The following IL27 variants were observed in gnomAD, a reference collection of about 807,000 sequenced individuals.
IL27 encodes interleukin-27 subunit alpha.
A neutral mutation model predicts 27.0 loss-of-function variants in IL27; 11 were observed. The ratio of observed to expected loss-of-function variants is 0.41; its 90% CI spans 0.26 to 0.67. IL27 has a LOEUF of 0.67. Ranked by LOEUF, IL27 falls within the 30% of genes least tolerant of loss-of-function variation. The pLI is 0.34. For synonymous variants in IL27, 134 were observed against 140.6 expected (o/e 0.95, Z 0.33); for missense variants, 299 against 310.4 (o/e 0.96, Z 0.28).
intron 3 of IL27, 152 bp downstream of exon 3, chr16:28,503,543 A>G (rs1030284619): frequency 6.4e-6 from 4 of 627,492 alleles, no homozygotes; most frequent in East Asian, 2.9e-5. Flanking sequence ...GTAAGTCACC[A>G]TGCCTGTCTT....
At chr16:28,502,229 C>T (rs1325235553) in intron 3 of IL27, 95 bp from the exon 4 acceptor site, 7 of 1,188,216 alleles carry the variant, frequency 5.9e-6, no homozygotes, top group African/African-American at 1.5e-5. Context: ...TCCCATTCCA[C>T]GCTCCAGCCT....
At chr16:28,501,506 ACACT>A (rs1178167248) in intron 4 of IL27, among the ~76,000 whole-genome samples, 14 of 148,846 alleles carry the variant, frequency 9.4e-5, no homozygotes, top group East Asian at 6.1e-4. Flanking sequence ...ACTCACAGTC[ACACT>A]CACACACGGA....
intron 4 of IL27, among the ~76,000 whole-genome samples, chr16:28,501,636 C>T (rs1041170081): frequency 1.3e-5 from 2 of 150,774 alleles, no homozygotes; most frequent in African/African-American, 4.9e-5. Context: ...CACTCACTCT[C>T]ACACTCACGG....
chr16:28,501,967 G>C lies in IL27; in HGVS notation c.462+9C>G, dbSNP rs111923473. The C allele has an allele frequency of 1.3e-6, 2 of 1,599,200 alleles. No individual in the cohort carries two copies. Among genetic ancestry groups the C allele is most frequent in the Admixed American group, 3.3e-5 (2 of 59,854 alleles). On this transcript the variant is annotated intron_variant, in intron 4 of 4. Transcript: ENST00000356897. ...TGGTCTGGGGTGGTGGAGGGTGGCC[G>C]GGCTCTACCTGGAAGCGGAGGTGCC...
chr16:28,499,867 C>G lies in IL27; in HGVS notation c.516G>C (p.Glu172Asp). ...GCAGCCCCTTCCTCTCCTCCTCCTC[C>G]TCCTCCTCTTCCTCCTCCTCCTCCT... Reference protein sequence around the residue: ...LPEEEEEEEEEEEEERKGLLP... With the variant: ...LPEEEEEEEEDEEEERKGLLP... Residue 172 changes from glutamate (E) to aspartate (D), a missense_variant, in exon 5 of 5, where the codon GAG (glutamate) becomes GAC (aspartate). Transcript: ENST00000356897. 1 of 1,555,838 alleles carries G rather than the reference C, an allele frequency of 6.4e-7. No homozygotes were observed. The highest frequency in any genetic ancestry group is 8.7e-7 in the Non-Finnish European group (1 of 1,149,426).
intron 4 of IL27, 81 bp downstream of exon 4, chr16:28,501,895 T>C: frequency 6.7e-7 from 1 of 1,487,308 alleles, no homozygotes; most frequent in Non-Finnish European, 9.1e-7. Context: ...TCACACACAC[T>C]CAGAGCATGG....
At chr16:28,501,344 TTACACTCACAGTCCCA>T (rs1185595383) in intron 4 of IL27, among the ~76,000 whole-genome samples, 9 of 148,330 alleles carry the variant, frequency 6.1e-5, no homozygotes, top group Non-Finnish European at 1.2e-4. Context: ...TCCCACACTC[TTACACTCACAGTCCCA>T]TACACTCACA....
At chr16:28,505,678 G>A (rs1039343629) in intron 1 of IL27, among the ~76,000 whole-genome samples, 8 of 152,210 alleles carry the variant, frequency 5.3e-5, no homozygotes, top group East Asian at 1.9e-4. Context: ...GAGGGGCAGC[G>A]GATGGGCGCT....
At chr16:28,504,176 C>T (rs577012280) in intron 1 of IL27, 126 bp from the exon 2 acceptor site, 8 of 970,874 alleles carry the variant, frequency 8.2e-6, no homozygotes, top group African/African-American at 1.7e-5. Context: ...ATTCCTCTGC[C>T]TCCTCAAAAC....
chr16:28,500,979 C>G (rs533482560), intron 4 of IL27, among the ~76,000 whole-genome samples: 1 of 152,236 alleles, frequency 6.6e-6, no homozygotes, highest in South Asian at 2.1e-4. Context: ...GCGGGCAGAG[C>G]GCGAGGTCAG....
intron 4 of IL27, 141 bp from the exon 5 acceptor site, chr16:28,500,061 T>G: frequency 8.6e-7 from 1 of 1,166,552 alleles, no homozygotes; most frequent in Non-Finnish European, 1.2e-6. Flanking sequence ...CTGCTTGATC[T>G]TCCATGATGT....
At chr16:28,501,636 C>A (rs1041170081) in intron 4 of IL27, among the ~76,000 whole-genome samples, 1 of 150,774 alleles carries the variant, frequency 6.6e-6, no homozygotes, top group Non-Finnish European at 1.5e-5. Context: ...CACTCACTCT[C>A]ACACTCACGG....
At chr16:28,501,868 C>T in intron 4 of IL27, 108 bp downstream of exon 4, 1 of 1,321,514 alleles carries the variant, frequency 7.6e-7, no homozygotes, top group African/African-American at 1.4e-5. Context: ...CACTCAGTCA[C>T]ACTCACACTC....
Position 28,499,692 on chromosome 16 carries a change from C to T in IL27, c.691G>A (p.Val231Ile). ...AATGTTGGGAACCCCAAGGGCCAGACTGAGTGCCCAGCCTTGGACAGCAGC... is the reference window on the plus strand; with the variant it reads ...AATGTTGGGAACCCCAAGGGCCAGATTGAGTGCCCAGCCTTGGACAGCAGC... ...LLLLSKAGHS[V>I]WPLGFPTLSP... Residue 231 changes from valine (V) to isoleucine (I), a missense_variant, in exon 5 of 5, where the codon GTC becomes ATC. Physicochemically the swap from Val to Ile is conservative, Grantham distance 29 (BLOSUM62 3). Transcript: ENST00000356897. The T allele has an allele frequency of 1.9e-6, 3 of 1,613,456 alleles. No homozygotes were observed. Among genetic ancestry groups the T allele is most frequent in the Non-Finnish European group, 1.7e-6 (2 of 1,179,778 alleles).
At chr16:28,502,967 C>T (rs1023411881) in intron 3 of IL27, among the ~76,000 whole-genome samples, 8 of 152,094 alleles carry the variant, frequency 5.3e-5, no homozygotes, top group East Asian at 1.9e-4. Context: ...GGATTACAGG[C>T]GCACAGCACC....
At position 28,499,630 on chromosome 16, in the gene IL27, AGGGGGCTAAGAAGCCACCGATCAGGGCT is replaced by A; in HGVS notation, c.725_*20del. 1 of 1,565,396 alleles carries A rather than the reference AGGGGGCTAAGAAGCCACCGATCAGGGCT, an allele frequency of 6.4e-7. No individual in the cohort carries two copies. ...CCTAAAGTTCTAAAGGGTGGGGGGC[AGGGGGCTAAGAAGCCACCGATCAGGGCT>A]GGGGGCTCAATGTTGGGAACCCCAA... On this transcript the variant is annotated stop_lost and 3_prime_UTR_variant, in exon 5 of 5. Coordinates refer to ENST00000356897, the MANE Select transcript of IL27 (RefSeq NM_145659.3).
chr16:28,504,014 T>C lies in IL27; in HGVS notation c.68A>G (p.Gln23Arg). 2 of 1,612,190 alleles carry C rather than the reference T, an allele frequency of 1.2e-6. No homozygotes were observed. Among genetic ancestry groups the C allele is most frequent in the Non-Finnish European group, 1.7e-6 (2 of 1,178,952 alleles). Residue 23 changes from glutamine (Q) to arginine (R), a missense_variant, in exon 2 of 5, where the codon CAA becomes CGA. Transcript: ENST00000356897. Reference sequence around the variant, plus strand: ...CCTTGGGAATCCCCAGACACCAGCTTGAACCAGGAGCAAGGGAAGCAGCAA... The same window carrying C: ...CCTTGGGAATCCCCAGACACCAGCTCGAACCAGGAGCAAGGGAAGCAGCAA... ...SLLLLPLLLV[Q>R]AGVWGFPRPP...
rs760720586 is a variant in IL27 at position 28,506,768 on chromosome 16, G to T, written c.31+13C>A. On this transcript the variant is annotated intron_variant, in intron 1 of 4. Coordinates refer to ENST00000356897, the MANE Select transcript of IL27 (RefSeq NM_145659.3). ...AACTCAACCAAGCCCCCCACCCCTG[G>T]CTTCAAACTCACGCCAGCCAAGGTC... The T allele has an allele frequency of 3.7e-6, 6 of 1,610,398 alleles. No homozygotes were observed. The African/African-American group carries it at 4.0e-5, about 11-fold the overall frequency.
At chr16:28,503,844 C>A in intron 2 of IL27, 34 bp downstream of exon 2, 2 of 1,613,104 alleles carry the variant, frequency 1.2e-6, no homozygotes, top group South Asian at 2.2e-5. Flanking sequence ...GGGGTCTGCC[C>A]ATCTCCAGCG....
Sources: allele counts gnomAD v4.1 joint callset (sites outside exome capture counted in the v4.1 genomes callset), GRCh38; gene constraint gnomAD v4.1.1; transcripts MANE v1.5; gene names NCBI Gene and HGNC (gene_info 2026-07-23, HGNC 2026-07-21).